Variants in C1GALT1 observed in about 807,000 individuals in gnomAD.
C1GALT1 encodes the protein glycoprotein-N-acetylgalactosamine 3-beta-galactosyltransferase 1.
A neutral mutation model predicts 31.0 loss-of-function variants in C1GALT1; 11 were observed. The ratio of observed to expected loss-of-function variants is 0.36; its 90% confidence interval spans 0.22 to 0.59. The LOEUF is 0.59. Among genes scored for constraint, C1GALT1 ranks in the 20% least tolerant of loss-of-function variants. C1GALT1 has a pLI of 0.79. For synonymous variants in C1GALT1, 175 were observed against 143.6 expected, an observed-to-expected ratio of 1.22 and a Z score of -1.56; for missense variants, 424 against 425.2, an observed-to-expected ratio of 1.00 and a Z score of 0.03.
At chr7:7,180,803 T>C (rs1196249166), upstream of C1GALT1, among the ~76,000 whole-genome samples, 2 of 152,088 alleles carry the variant, frequency 1.3e-5, no homozygotes, top group Non-Finnish European at 1.5e-5. Context: ...GGCGGGAAGA[T>C]TGCTTCAGCC....
chr7:7,158,358 G>T (rs1780296199), intron 2 of C1GALT1, among the ~76,000 whole-genome samples: 1 of 152,070 alleles, frequency 6.6e-6, no homozygotes, highest in Non-Finnish European at 1.5e-5. Context: ...TGAGTTTTAT[G>T]TTGAATAGAA....
At chr7:7,159,414 A>G (rs78583996) in intron 2 of C1GALT1, among the ~76,000 whole-genome samples, 3,340 of 152,174 alleles carry the variant, frequency 0.022, 117 homozygotes, top group African/African-American at 0.076. Context: ...AAAAGAAGGA[A>G]AGAAAGAAAA....
Position 7,246,720 on chromosome 7 carries a change from G to A in C1GALT1, c.*2993G>A, listed in dbSNP as rs1408152094. On this transcript the variant is annotated 3_prime_UTR_variant, in exon 4 of 4. Transcript: ENST00000436587. Reference sequence around the variant, plus strand: ...CAGTTGTGTTTAAGCAAACTCTGCAGGTGTCTTTCTTATCCTAGTTTGAGA... The same window carrying A: ...CAGTTGTGTTTAAGCAAACTCTGCAAGTGTCTTTCTTATCCTAGTTTGAGA... 1 of 152,368 alleles carries A rather than the reference G, an allele frequency of 6.6e-6. No homozygotes were observed. The highest frequency in any genetic ancestry group is 1.9e-4 in the East Asian group (1 of 5,196). The allele number at this position is 152,368 out of a possible 1,614,324, so 9.4% of individuals were successfully genotyped here.
intron 2 of C1GALT1, among the ~76,000 whole-genome samples, chr7:7,171,073 T>C (rs1311292994): frequency 6.7e-6 from 1 of 150,184 alleles, no homozygotes. Flanking sequence ...TTGAGAAAAA[T>C]ATGTATTCTG....
At chr7:7,204,296 T>G (rs145051954) in intron 1 of C1GALT1, among the ~76,000 whole-genome samples, 31 of 152,212 alleles carry the variant, frequency 2.0e-4, no homozygotes, top group Non-Finnish European at 8.8e-5. Context: ...TTATTCTGTT[T>G]CAGTAAGTTT....
intron 2 of C1GALT1, among the ~76,000 whole-genome samples, chr7:7,173,224 C>T (rs1780472893): frequency 1.3e-5 from 2 of 151,830 alleles, no homozygotes; most frequent in Non-Finnish European, 2.9e-5. Flanking sequence ...GAGATCTGGT[C>T]ATTTAAAAGT....
chr7:7,183,316 G>A (rs979681438), intron 1 of C1GALT1, among the ~76,000 whole-genome samples: 2 of 152,132 alleles, frequency 1.3e-5, no homozygotes, highest in Non-Finnish European at 2.9e-5. Flanking sequence ...CCACTCGGCT[G>A]CCGCGCCGCC....
At chr7:7,227,988 G>A (rs1356539013) in intron 1 of C1GALT1, among the ~76,000 whole-genome samples, 2 of 152,200 alleles carry the variant, frequency 1.3e-5, no homozygotes, top group African/African-American at 4.8e-5. Context: ...TAATAGCAAA[G>A]TGGTTAAGAG....
At chr7:7,224,931 C>T (rs140240477) in intron 1 of C1GALT1, among the ~76,000 whole-genome samples, 5 of 152,120 alleles carry the variant, frequency 3.3e-5, no homozygotes, top group African/African-American at 1.2e-4. Flanking sequence ...GTGTATTTAA[C>T]CAATAGATAG....
intron 1 of C1GALT1, among the ~76,000 whole-genome samples, chr7:7,204,105 T>TG (rs71309016): frequency 0.096 from 14,416 of 149,952 alleles, 879 homozygotes; most frequent in East Asian, 0.16. Flanking sequence ...CTGTTTTTTT[T>TG]TTTTTGTTTT....
rs370730616 is a variant in C1GALT1 at position 7,213,421 on chromosome 7, T to G, written c.-17-20882T>G. ...ATCCCATACAATTTTGGAACGTATA[T>G]TAGTATTATTTACCGAAATATAATT... is the stretch of plus-strand genomic sequence containing the variant. On this transcript the variant is annotated intron_variant, in intron 1 of 3. Coordinates refer to ENST00000436587, the MANE Select transcript of C1GALT1 (RefSeq NM_020156.5). Among the ~76,000 whole-genome samples the G allele has an allele frequency of 1.0e-3, 156 of 152,304 alleles. 1 individual carries two copies. Among genetic ancestry groups the G allele is most frequent in the African/African-American group, 3.6e-3 (148 of 41,562 alleles).
intron 2 of C1GALT1, among the ~76,000 whole-genome samples, chr7:7,168,756 C>T (rs1780423517): frequency 6.6e-6 from 1 of 152,196 alleles, no homozygotes; most frequent in African/African-American, 2.4e-5. Context: ...TAATTAAAGT[C>T]TCTAAAAAAG....
chr7:7,241,205 TATTAG>T lies in C1GALT1; in HGVS notation c.888+2284_888+2288del, dbSNP rs1783613215. ...TATTTACATTATTCTATCTGAAACA[TATTAG>T]TACATAAGTGAGGTAGAGAGCTCCT... On this transcript the variant is annotated intron_variant, in intron 3 of 3. Coordinates refer to ENST00000436587, the MANE Select transcript of C1GALT1 (RefSeq NM_020156.5). 5.9e-5 allele frequency among the ~76,000 whole-genome samples: 9 copies of T among 152,140 alleles called. No homozygotes were observed. In the South Asian group the frequency reaches 1.9e-3, roughly 31 times the overall value.
intron 1 of C1GALT1, among the ~76,000 whole-genome samples, chr7:7,207,027 G>C (rs542836377): frequency 3.9e-5 from 6 of 152,060 alleles, no homozygotes; most frequent in African/African-American, 1.4e-4. Flanking sequence ...TTCAACCATT[G>C]TTTCTTCAAA....
intron 1 of C1GALT1, among the ~76,000 whole-genome samples, chr7:7,183,809 T>G (rs2128229012): frequency 6.6e-6 from 1 of 152,344 alleles, no homozygotes; most frequent in South Asian, 2.1e-4. Flanking sequence ...TTTAACGCTT[T>G]TTTAAGATAG....
At chr7:7,205,065 A>G (rs141047317) in intron 1 of C1GALT1, among the ~76,000 whole-genome samples, 426 of 152,262 alleles carry the variant, frequency 2.8e-3, no homozygotes, top group Non-Finnish European at 4.2e-3. Flanking sequence ...GTGTTGTTCA[A>G]GTTCTCCATT....
chr7:7,218,927 C>T (rs1213997230), intron 1 of C1GALT1, among the ~76,000 whole-genome samples: 3 of 151,696 alleles, frequency 2.0e-5, no homozygotes, highest in Non-Finnish European at 4.4e-5. Context: ...TCCGCCTCCG[C>T]AGTTCACGCC....
intron 2 of C1GALT1, among the ~76,000 whole-genome samples, chr7:7,175,090 A>G (rs1780491453): frequency 6.6e-6 from 1 of 152,178 alleles, no homozygotes; most frequent in Admixed American, 6.5e-5. Context: ...TGTGGTAACT[A>G]GAAATTAGAT....
intron 2 of C1GALT1, chr7:7,235,306 C>G (rs13229509): frequency 6.6e-6 from 1 of 152,132 alleles, no homozygotes; most frequent in African/African-American, 2.4e-5. Flanking sequence ...GTCCACTATT[C>G]AGTTTTTTCT....
Sources: allele counts gnomAD v4.1 joint callset (sites outside exome capture counted in the v4.1 genomes callset), GRCh38; gene constraint gnomAD v4.1.1; transcripts MANE v1.5; gene names NCBI Gene and HGNC (gene_info 2026-07-23, HGNC 2026-07-21).